Variants in PTPRK observed in about 807,000 individuals in gnomAD.
PTPRK encodes the protein receptor-type tyrosine-protein phosphatase kappa.
A neutral mutation model predicts 178.0 loss-of-function variants in PTPRK; 75 were observed. The observed-to-expected ratio is 0.42, with a 90% confidence interval of 0.35 to 0.51. PTPRK has a LOEUF of 0.51. Among genes scored for constraint, PTPRK ranks in the 20% least tolerant of loss-of-function variants. PTPRK has a pLI of 0.02. For synonymous variants in PTPRK, 637 were observed against 620.6 expected (o/e 1.03, Z -0.39); for missense variants, 1,441 against 1,797.8 (o/e 0.80, Z 3.59).
At chr6:127,983,439 A>G in intron 22 of PTPRK, 62 bp from the exon 23 acceptor site, 1 of 1,558,858 alleles carries the variant, frequency 6.4e-7, no homozygotes, top group South Asian at 1.2e-5. Flanking sequence ...ACCTTAAATA[A>G]GGACTTTTTC....
chr6:127,972,816 T>C (rs954748568), intron 29 of PTPRK, among the ~76,000 whole-genome samples: 4 of 152,012 alleles, frequency 2.6e-5, no homozygotes, highest in Admixed American at 2.0e-4. Context: ...GAAAATAGTT[T>C]CATGATTAGC....
intron 3 of PTPRK, among the ~76,000 whole-genome samples, chr6:128,295,717 T>C (rs1224930606): frequency 6.6e-6 from 1 of 152,120 alleles, no homozygotes; most frequent in Admixed American, 6.6e-5. Flanking sequence ...GCAAGTTAGT[T>C]TTCCACATCT....
At chr6:127,988,418 C>T (rs539964180) in intron 21 of PTPRK, among the ~76,000 whole-genome samples, 9 of 151,460 alleles carry the variant, frequency 5.9e-5, no homozygotes, top group African/African-American at 1.5e-4. Context: ...ATTCTCTTGC[C>T]TCAGCCTTCC....
intron 1 of PTPRK, among the ~76,000 whole-genome samples, chr6:128,460,394 T>A (rs1584817245): frequency 6.6e-6 from 1 of 151,426 alleles, no homozygotes; most frequent in East Asian, 1.9e-4. Flanking sequence ...AATAAAAAAT[T>A]AGCAGGGCAT....
At position 127,997,728 on chromosome 6, in the gene PTPRK, T is replaced by C. The variant is rs114247151; in HGVS notation, c.2680-740A>G. Among the ~76,000 whole-genome samples the C allele has an allele frequency of 8.3e-3, 1,263 of 152,142 alleles. 20 individuals carry two copies. Among genetic ancestry groups the C allele is most frequent in the African/African-American group, 0.029 (1,187 of 41,514 alleles). On this transcript the variant is annotated intron_variant, in intron 16 of 29. Transcript: ENST00000368226. ...ACAAAAAGAACCAGCTCTGGCAGAA[T>C]AGTCTAATTCCTTGTACTTATTTTG...
chr6:127,990,696 G>T, intron 21 of PTPRK, 73 bp downstream of exon 21: 1 of 964,538 alleles, frequency 1.0e-6, no homozygotes, highest in Non-Finnish European at 1.6e-6. Context: ...CATCAAAACA[G>T]AACTTGGCAA....
intron 1 of PTPRK, among the ~76,000 whole-genome samples, chr6:128,479,817 T>C (rs571883691): frequency 2.6e-5 from 4 of 152,248 alleles, no homozygotes; most frequent in African/African-American, 9.6e-5. Flanking sequence ...ATGTCTAACT[T>C]CTGGTTTTTG....
intron 13 of PTPRK, among the ~76,000 whole-genome samples, chr6:128,034,119 G>A (rs17055235): frequency 0.14 from 20,758 of 152,090 alleles, 3,821 homozygotes; most frequent in African/African-American, 0.42. Context: ...AGACTAAACC[G>A]TTCTCAAACT....
rs543657233 is a variant in PTPRK, at chr6:128,320,734, T to C, written c.495+1305A>G. Reference sequence around the variant, plus strand: ...TGGTGATGACAGCCATCAACCCACTTTTGTCAGAGTTGAGCCCACTGATCT... The same window carrying C: ...TGGTGATGACAGCCATCAACCCACTCTTGTCAGAGTTGAGCCCACTGATCT... On this transcript the variant is annotated intron_variant, in intron 3 of 29. Transcript: ENST00000368226. 3.8e-4 allele frequency among the ~76,000 whole-genome samples: 58 copies of C among 152,180 alleles called. 2 individuals are homozygous for C. In the South Asian group the frequency reaches 0.012, roughly 32 times the overall value.
chr6:128,402,544 G>A (rs1319960340), intron 1 of PTPRK, among the ~76,000 whole-genome samples: 6 of 152,110 alleles, frequency 3.9e-5, no homozygotes, highest in East Asian at 1.9e-4. Flanking sequence ...GAGCCACTGC[G>A]CCCAGCCAGA....
intron 6 of PTPRK, among the ~76,000 whole-genome samples, chr6:128,202,444 A>G (rs1004313935): frequency 2.6e-5 from 4 of 152,184 alleles, no homozygotes; most frequent in Admixed American, 1.3e-4. Context: ...ACAGACACTC[A>G]GGAGTTTTGT....
At chr6:128,337,325 T>C (rs759287382) in intron 2 of PTPRK, among the ~76,000 whole-genome samples, 18 of 152,174 alleles carry the variant, frequency 1.2e-4, no homozygotes, top group Admixed American at 2.6e-4. Context: ...GTGTTGATGG[T>C]GACTTACTGG....
intron 13 of PTPRK, among the ~76,000 whole-genome samples, chr6:128,043,690 T>C (rs1288780025): frequency 1.3e-5 from 2 of 151,956 alleles, no homozygotes; most frequent in Non-Finnish European, 2.9e-5. Flanking sequence ...AACTATTTAA[T>C]GTACTATTTG....
chr6:128,246,714 C>T (rs1229515273), intron 3 of PTPRK, among the ~76,000 whole-genome samples: 6 of 152,168 alleles, frequency 3.9e-5, no homozygotes, highest in Non-Finnish European at 7.3e-5. Context: ...ACCAGGCTTC[C>T]CAGAAGAAGA....
chr6:128,194,643 GC>G (rs553286343), intron 6 of PTPRK, among the ~76,000 whole-genome samples: 203 of 152,246 alleles, frequency 1.3e-3, no homozygotes, highest in Non-Finnish European at 2.1e-3. Flanking sequence ...AACTAGGAAA[GC>G]CTTTAACTCT....
At chr6:128,364,817 G>A (rs1835259842) in intron 2 of PTPRK, among the ~76,000 whole-genome samples, 1 of 151,920 alleles carries the variant, frequency 6.6e-6, no homozygotes, top group Admixed American at 6.6e-5. Context: ...TTTCCTATTA[G>A]GGTAACCCAA....
intron 7 of PTPRK, among the ~76,000 whole-genome samples, chr6:128,141,110 T>C (rs148450009): frequency 6.6e-6 from 1 of 151,998 alleles, no homozygotes; most frequent in Non-Finnish European, 1.5e-5. Context: ...GAAGAGTTGA[T>C]TCTTGATGGA....
chr6:128,309,385 G>C (rs1826908101), intron 3 of PTPRK, among the ~76,000 whole-genome samples: 1 of 152,118 alleles, frequency 6.6e-6, no homozygotes, highest in Non-Finnish European at 1.5e-5. Context: ...AGAGAGGGGT[G>C]GGGGAGCCTA....
At chr6:128,036,712 G>A (rs995850619) in intron 13 of PTPRK, among the ~76,000 whole-genome samples, 5 of 150,112 alleles carry the variant, frequency 3.3e-5, no homozygotes, top group East Asian at 1.9e-4. Context: ...GAAAATAAAC[G>A]AACTGATTTC....
Sources: allele counts gnomAD v4.1 joint callset (sites outside exome capture counted in the v4.1 genomes callset), GRCh38; gene constraint gnomAD v4.1.1; transcripts MANE v1.5; gene names NCBI Gene and HGNC (gene_info 2026-07-23, HGNC 2026-07-21).